PCK2: variants seen among roughly 807,000 people sequenced by gnomAD.
PCK2 encodes the protein phosphoenolpyruvate carboxykinase 2, mitochondrial.
PCK2 carries 56 observed loss-of-function variants against 65.9 expected under a neutral mutation model. The observed-to-expected ratio is 0.85, with a 90% CI of 0.69 to 1.06. The LOEUF is 1.06. Among genes scored for constraint, PCK2 ranks in the 50% least tolerant of loss-of-function variants. The pLI is 0.00. For synonymous variants in PCK2, 305 were observed against 319.6 expected (o/e 0.95, Z 0.49); for missense variants, 843 against 863.1 (o/e 0.98, Z 0.29).
chr14:24,103,214 G>GC lies in PCK2; in HGVS notation c.1428dup (p.Ala477ArgfsTer5). 1 of 1,614,110 alleles carries GC rather than the reference G, an allele frequency of 6.2e-7. No homozygotes were observed. The highest frequency in any genetic ancestry group is 8.5e-7 in the Non-Finnish European group (1 of 1,179,950). Reference sequence around the variant, plus strand: ...TGGCGTCATGGGGTGTTTGTGGGCAGCGCCATGCGCTCTGAGTCCACTGCT... The same window carrying GC: ...TGGCGTCATGGGGTGTTTGTGGGCAGCCGCCATGCGCTCTGAGTCCACTGCT... On this transcript the variant is annotated frameshift_variant, in exon 9 of 10. Coordinates refer to ENST00000216780, the MANE Select transcript of PCK2 (RefSeq NM_004563.4). LOFTEE classifies it high-confidence loss of function.
Position 24,094,932 on chromosome 14 carries a change from A to T in PCK2, c.29+498A>T. ...CATTCCCGGCCTCTCCCGGACTGGA[A>T]GGACTGGAACCTGGCGGGAAGTCCA... is the stretch of plus-strand genomic sequence containing the variant. On this transcript the variant is annotated intron_variant, in intron 1 of 9. Transcript: ENST00000216780. This position sits in a 1 kb window ranked among gnomAD's most constrained non-coding sequence, Gnocchi z 4.1. 1 of 1,091,786 alleles carries T rather than the reference A, an allele frequency of 9.2e-7. No homozygotes were observed. Among genetic ancestry groups the T allele is most frequent in the Middle Eastern group, 2.3e-4 (1 of 4,302 alleles). The allele number at this position is 1,091,786 out of a possible 1,614,324, so 67.6% of individuals were successfully genotyped here. A position where few individuals can be genotyped will look rare whatever the true frequency, so the allele number is the denominator to read the frequency against.
Position 24,098,657 on chromosome 14 carries a change from G to C in PCK2, c.643G>C (p.Gly215Arg). Reference sequence around the variant, plus strand: ...CTTTGTCAAGTGTCTGCACTCCGTGGGCCAGCCCCTGACAGGACAAGGTAA... The same window carrying C: ...CTTTGTCAAGTGTCTGCACTCCGTGCGCCAGCCCCTGACAGGACAAGGTAA... ...GDFVKCLHSV[G>R]QPLTGQGEPV... Residue 215 changes from glycine (G) to arginine (R), a missense_variant, in exon 4 of 10, where the codon GGC becomes CGC. Physicochemically the swap from Gly to Arg is moderately radical, Grantham distance 125. Coordinates refer to ENST00000216780, the MANE Select transcript of PCK2 (RefSeq NM_004563.4). 1 of 1,613,858 alleles carries C rather than the reference G, an allele frequency of 6.2e-7. No individual in the cohort carries two copies. Among genetic ancestry groups the C allele is most frequent in the Non-Finnish European group, 8.5e-7 (1 of 1,180,014 alleles).
chr14:24,099,817 T>C, intron 6 of PCK2, 97 bp downstream of exon 6: 2 of 1,510,556 alleles, frequency 1.3e-6, no homozygotes, highest in Non-Finnish European at 1.8e-6. Flanking sequence ...GTGAGAAAGT[T>C]TCCTGAACAC....
rs2138977914 is a variant in PCK2 at position 24,103,413 on chromosome 14, C to T, written c.1469-97C>T. 3 of 1,237,816 alleles carry T rather than the reference C, an allele frequency of 2.4e-6. No homozygotes were observed. The East Asian group carries it at 7.0e-5, about 29-fold the overall frequency. 76.7% of individuals were successfully genotyped at this position (1,237,816 alleles called of 1,614,324 possible). ...TCCCCATCCCTGAAGATATTCAGAA[C>T]CATAAGCCTTTCACAGCTTCCTCCA... is the stretch of plus-strand genomic sequence containing the variant. On this transcript the variant is annotated intron_variant, in intron 9 of 9. Coordinates refer to ENST00000216780, the MANE Select transcript of PCK2 (RefSeq NM_004563.4).
At chr14:24,100,330 T>C in intron 7 of PCK2, 117 bp downstream of exon 7, 2 of 1,504,952 alleles carry the variant, frequency 1.3e-6, no homozygotes, top group South Asian at 1.4e-5. Context: ...ACAGAAGTCA[T>C]GAACGTTTGC....
chr14:24,096,548 T>C (rs2036894003), intron 1 of PCK2, among the ~76,000 whole-genome samples: 1 of 152,158 alleles, frequency 6.6e-6, no homozygotes, highest in Admixed American at 6.5e-5. Context: ...TCCCTACTTA[T>C]TTCTAAACGT....
intron 7 of PCK2, chr14:24,100,459 G>C (rs1566579197): frequency 2.2e-6 from 2 of 917,114 alleles, no homozygotes; most frequent in Non-Finnish European, 1.6e-6. Flanking sequence ...GTTGAATGAG[G>C]GTAGTTGTGA....
intron 8 of PCK2, 117 bp downstream of exon 8, chr14:24,103,007 C>T: frequency 7.6e-7 from 1 of 1,307,676 alleles, no homozygotes. Flanking sequence ...CAGAGTTCTC[C>T]CCTGGTGAAT....
At position 24,094,355 on chromosome 14, in the gene PCK2, T is replaced by A. The variant is rs1455680352; in HGVS notation, c.-51T>A. 1.3e-6 allele frequency: 2 copies of A among 1,508,064 alleles called. No individual in the cohort carries two copies. Among genetic ancestry groups the A allele is most frequent in the Non-Finnish European group, 1.8e-6 (2 of 1,121,106 alleles). The allele number at this position is 1,508,064 out of a possible 1,614,324, so 93.4% of individuals were successfully genotyped here. A position where few individuals can be genotyped will look rare whatever the true frequency, so the allele number is the denominator to read the frequency against. On this transcript the variant is annotated 5_prime_UTR_variant, in exon 1 of 10. Coordinates refer to ENST00000216780, the MANE Select transcript of PCK2 (RefSeq NM_004563.4). The surrounding 1 kb of genome is among the most constrained non-coding windows in gnomAD (Gnocchi z 4.1). ...TCCCTCCTTCCCCGCCTTCCATACC[T>A]CCCCGGCTCCGCTCGGTTCCTGGCC...
In PCK2 at chr14:24,103,697, T is replaced by C. The variant is rs1173626978; in HGVS notation, c.1656T>C (p.Ala552=). ...TGTGGCCAGGCTTTGGGGAGAATGCTCGGGTGCTAGACTGGATCTGCCGGC... is the reference window on the plus strand; with the variant it reads ...TGTGGCCAGGCTTTGGGGAGAATGCCCGGGTGCTAGACTGGATCTGCCGGC... ...HFLWPGFGEN[A]RVLDWICRRL... is the part of the protein sequence containing the mutation. The change falls in exon 10 of 10, where the codon GCT becomes GCC. Residue 552 remains alanine, a synonymous_variant. Transcript: ENST00000216780. 1 of 1,614,152 alleles carries C rather than the reference T, an allele frequency of 6.2e-7. No individual in the cohort carries two copies. The highest frequency in any genetic ancestry group is 8.5e-7 in the Non-Finnish European group (1 of 1,180,018).
rs1001649291 is a variant in PCK2, at chr14:24,100,014, C to T, written c.1035C>T (p.Asn345=). 1.9e-6 allele frequency: 3 copies of T among 1,614,202 alleles called. No homozygotes were observed. The highest frequency in any genetic ancestry group is 1.3e-5 in the African/African-American group (1 of 75,074). ...FDSEGRLRAI[N]PENGFFGVAP... is the part of the protein sequence containing the mutation. ...TAACAGGTCGACTCCGGGCCATCAA[C>T]CCTGAGAACGGCTTCTTTGGGGTTG... The change falls in exon 7 of 10, where the codon AAC becomes AAT. Residue 345 remains asparagine (N), a synonymous_variant. Coordinates refer to ENST00000216780, the MANE Select transcript of PCK2 (RefSeq NM_004563.4).
intron 2 of PCK2, 87 bp from the exon 3 acceptor site, chr14:24,098,116 G>A: frequency 1.9e-6 from 2 of 1,076,714 alleles, no homozygotes; most frequent in South Asian, 1.6e-5. Flanking sequence ...CAGAAGACCT[G>A]GAGTCAAAGT....
intron 5 of PCK2, among the ~76,000 whole-genome samples, 158 bp from the exon 6 acceptor site, chr14:24,099,399 GT>G (rs2037057916): frequency 6.6e-6 from 1 of 152,230 alleles, no homozygotes; most frequent in African/African-American, 2.4e-5. Flanking sequence ...GAATGTTGAG[GT>G]TTCCCCTGCC....
chr14:24,095,432 C>G (rs1373137303), intron 1 of PCK2: 3 of 349,906 alleles, frequency 8.6e-6, no homozygotes, highest in Non-Finnish European at 1.7e-5. Flanking sequence ...ATCTATCCTG[C>G]TTTAGCGGAA....
At chr14:24,096,792 T>G in intron 1 of PCK2, 100 bp from the exon 2 acceptor site, 3 of 996,628 alleles carry the variant, frequency 3.0e-6, no homozygotes, top group Non-Finnish European at 4.6e-6. Flanking sequence ...CATGCAGACA[T>G]GTTTTAGCAG....
intron 2 of PCK2, 77 bp from the exon 3 acceptor site, chr14:24,098,126 T>C (rs2138946653): frequency 1.6e-6 from 2 of 1,252,844 alleles, no homozygotes; most frequent in Non-Finnish European, 1.1e-6. Context: ...GGAGTCAAAG[T>C]TGGACTTGAA....
intron 4 of PCK2, 147 bp from the exon 5 acceptor site, chr14:24,098,902 T>C (rs1462051186): frequency 4.1e-6 from 3 of 735,236 alleles, no homozygotes; most frequent in East Asian, 5.0e-5. Context: ...TGGAAGCTGA[T>C]GGTTATTATG....
In PCK2 at chr14:24,097,013, A is replaced by G. The variant is rs1459172500; in HGVS notation, c.151A>G (p.Ser51Gly). The G allele has an allele frequency of 1.9e-6, 3 of 1,613,792 alleles. No homozygotes were observed. Among genetic ancestry groups the G allele is most frequent in the Non-Finnish European group, 2.5e-6 (3 of 1,179,938 alleles). Residue 51 changes from serine (S) to glycine (G), a missense_variant, in exon 2 of 10, where the codon AGT becomes GGT. Transcript: ENST00000216780. ...PTGIRDFVEH[S>G]ARLCQPEGIH... is the part of the protein sequence containing the mutation. ...TGGCATTCGAGATTTTGTAGAGCAC[A>G]GTGCCCGCCTGTGCCAACCAGAGGG...
In PCK2 at chr14:24,094,469, T is replaced by C; in HGVS notation, c.29+35T>C. ...CCCCGGCCCGGGGCCCACCCGCACC[T>C]TCCGCTGCGCTCGCCCCCTCGGGGC... On this transcript the variant is annotated intron_variant, in intron 1 of 9. Coordinates refer to ENST00000216780, the MANE Select transcript of PCK2 (RefSeq NM_004563.4). This position sits in a 1 kb window ranked among gnomAD's most constrained non-coding sequence, Gnocchi z 4.1. 6.6e-7 allele frequency: 1 copy of C among 1,506,904 alleles called. No homozygotes were observed. The allele number at this position is 1,506,904 out of a possible 1,614,324, so 93.3% of individuals were successfully genotyped here.
Sources: allele counts gnomAD v4.1 joint callset (sites outside exome capture counted in the v4.1 genomes callset), GRCh38; gene constraint gnomAD v4.1.1; non-coding constraint Gnocchi (gnomAD v3.1); transcripts MANE v1.5; gene names NCBI Gene and HGNC (gene_info 2026-07-23, HGNC 2026-07-21).